Variants in ICAM2 observed in about 807,000 individuals in gnomAD.
ICAM2 encodes the protein intercellular adhesion molecule 2, also known as ICAM-2.
In ICAM2, 14 loss-of-function variants were observed where a neutral mutation model predicts 19.1. That is an observed-to-expected ratio of 0.73 (90% CI 0.48 to 1.15). The LOEUF is 1.15. Among genes scored for constraint, ICAM2 ranks in the 50% most tolerant of loss-of-function variants. The pLI is 0.00. For synonymous variants in ICAM2, 153 were observed against 152.7 expected, an observed-to-expected ratio of 1.00 and a Z score of -0.01; for missense variants, 311 against 355.4, an observed-to-expected ratio of 0.88 and a Z score of 1.00.
intron 1 of ICAM2, among the ~76,000 whole-genome samples, chr17:64,019,024 T>G (rs1195894246): frequency 6.6e-6 from 1 of 152,126 alleles, no homozygotes; most frequent in African/African-American, 2.4e-5. Flanking sequence ...CCGGCCTTAC[T>G]TCTCACTATC....
At chr17:64,015,983 C>T (rs1911705633) in intron 1 of ICAM2, among the ~76,000 whole-genome samples, 1 of 152,104 alleles carries the variant, frequency 6.6e-6, no homozygotes, top group Non-Finnish European at 1.5e-5. Context: ...TATAGGCATA[C>T]AGCACTGTGC....
chr17:64,011,110 A>G (rs1911433548), intron 1 of ICAM2, among the ~76,000 whole-genome samples: 1 of 152,212 alleles, frequency 6.6e-6, no homozygotes, highest in Non-Finnish European at 1.5e-5. Flanking sequence ...AATAAAGAGA[A>G]AGATGAAAAA....
At chr17:64,004,224 A>T in intron 3 of ICAM2, 1 of 486,374 alleles carries the variant, frequency 2.1e-6, no homozygotes, top group Non-Finnish European at 3.7e-6. Flanking sequence ...AACTGGAAAG[A>T]TATAAAAGTT....
At chr17:64,019,362 C>G (rs1306785926) in intron 1 of ICAM2, among the ~76,000 whole-genome samples, 1 of 151,542 alleles carries the variant, frequency 6.6e-6, no homozygotes, top group Non-Finnish European at 1.5e-5. Flanking sequence ...AGCCACTGCA[C>G]TCCAGCCTGG....
chr17:64,002,841 C>T lies in ICAM2; in HGVS notation c.734G>A (p.Cys245Tyr). Residue 245 changes from cysteine to tyrosine, a missense_variant, in exon 5 of 5, where the codon TGC becomes TAC. Coordinates refer to ENST00000579788, the MANE Select transcript of ICAM2 (RefSeq NM_001099789.2). ...GCGCAAGTGCTGGCCGAAGATGAAG[C>T]AGAGCAGGACAGATGTCACGAACAG... Reference protein sequence around the residue: ...LSLFVTSVLLCFIFGQHLRQQ... With the variant: ...LSLFVTSVLLYFIFGQHLRQQ... 6.2e-7 allele frequency: 1 copy of T among 1,613,990 alleles called. No homozygotes were observed. The highest frequency in any genetic ancestry group is 8.5e-7 in the Non-Finnish European group (1 of 1,179,988).
At chr17:64,013,146 T>G (rs911385389) in intron 1 of ICAM2, among the ~76,000 whole-genome samples, 1 of 152,108 alleles carries the variant, frequency 6.6e-6, no homozygotes, top group African/African-American at 2.4e-5. Context: ...AACCACTCTC[T>G]ACTAAAAATA....
intron 2 of ICAM2, 135 bp downstream of exon 2, chr17:64,006,496 T>A: frequency 1.4e-6 from 1 of 720,892 alleles, no homozygotes; most frequent in Non-Finnish European, 2.4e-6. Flanking sequence ...GACCCTGTCT[T>A]AAAACAAAAC....
In ICAM2 at chr17:64,006,660, A is replaced by G. The variant is rs1384748178; in HGVS notation, c.32T>C (p.Val11Ala). MSSFGYRTLTVALFTLICCPG... is the reference protein window; with the variant it reads MSSFGYRTLTAALFTLICCPG... ...ACAGCAGATCAGGGTGAAGAGGGCC[A>G]CAGTCAGGGTCCTGTAACCGAAAGA... Residue 11 changes from valine (V) to alanine (A), a missense_variant, in exon 2 of 5, where the codon GTG becomes GCG. Val to Ala is a moderately conservative substitution (Grantham distance 64). Transcript: ENST00000579788. The G allele has an allele frequency of 6.2e-7, 1 of 1,614,202 alleles. No individual in the cohort carries two copies. Among genetic ancestry groups the G allele is most frequent in the Admixed American group, 1.7e-5 (1 of 60,024 alleles).
chr17:64,006,743 G>T lies in ICAM2; in HGVS notation c.-44-8C>A, dbSNP rs767401983. 2.6e-6 allele frequency: 4 copies of T among 1,548,712 alleles called. No homozygotes were observed. In the East Asian group the frequency reaches 9.0e-5, roughly 35 times the overall value. ...GGACCAGCCAAGGGCTGCCTGGAGG[G>T]AGATGGTGGGCGCAGGTCTGAGCTA... On this transcript the variant is annotated splice_region_variant and splice_polypyrimidine_tract_variant and intron_variant, in intron 1 of 4. Transcript: ENST00000579788.
At chr17:64,009,868 A>G (rs1370820275) in intron 1 of ICAM2, among the ~76,000 whole-genome samples, 1 of 152,202 alleles carries the variant, frequency 6.6e-6, no homozygotes, top group Admixed American at 6.5e-5. Context: ...TACCAGTGAA[A>G]GTACTCATGC....
chr17:64,020,416 C>T (rs1185742730), intron 1 of ICAM2, 107 bp downstream of exon 1: 1 of 152,370 alleles, frequency 6.6e-6, no homozygotes, highest in Non-Finnish European at 1.5e-5. Context: ...CAGCGAGAAA[C>T]TGAGACCCAG....
chr17:64,006,943 T>A (rs570875066), intron 1 of ICAM2: 4 of 547,700 alleles, frequency 7.3e-6, no homozygotes, highest in African/African-American at 5.7e-5. Context: ...TCCTCCCTGC[T>A]GACTCCCTGT....
intron 1 of ICAM2, 51 bp from the exon 2 acceptor site, chr17:64,006,786 C>T: frequency 2.7e-6 from 3 of 1,114,120 alleles, no homozygotes; most frequent in Non-Finnish European, 4.0e-6. Flanking sequence ...GAATCCCTAG[C>T]CTTCTGCAAA....
rs774601968 is a variant in ICAM2 at position 64,005,305 on chromosome 17, G to A, written c.130C>T (p.Leu44Phe). 7 of 1,614,110 alleles carry A rather than the reference G, an allele frequency of 4.3e-6. No individual in the cohort carries two copies. Among genetic ancestry groups the A allele is most frequent in the Non-Finnish European group, 5.9e-6 (7 of 1,179,994 alleles). Residue 44 changes from leucine to phenylalanine, a missense_variant, in exon 3 of 5, where the codon CTC becomes TTC. Transcript: ENST00000579788. Reference protein sequence around the residue: ...KKLAVEPKGSLEVNCSTTCNQ... With the variant: ...KKLAVEPKGSFEVNCSTTCNQ... The stretch of plus-strand genomic sequence containing the variant: ...CAGGTGGTGCTGCAGTTGACCTCGA[G>A]GGACCCTTTGGGCTCAACCGCCAGC...
At chr17:64,013,863 C>A (rs998406926) in intron 1 of ICAM2, among the ~76,000 whole-genome samples, 1 of 151,534 alleles carries the variant, frequency 6.6e-6, no homozygotes, top group South Asian at 2.1e-4. Flanking sequence ...GTAAAACCAC[C>A]ATCACAACAG....
chr17:64,020,201 C>A (rs764501808), intron 1 of ICAM2, among the ~76,000 whole-genome samples: 1 of 151,884 alleles, frequency 6.6e-6, no homozygotes, highest in Non-Finnish European at 1.5e-5. Flanking sequence ...CCCACGTGGG[C>A]CCCTAAATAA....
chr17:64,014,495 G>A (rs1031175484), intron 1 of ICAM2, among the ~76,000 whole-genome samples: 2 of 145,184 alleles, frequency 1.4e-5, no homozygotes, highest in African/African-American at 5.2e-5. Flanking sequence ...AAGAAAGAAA[G>A]GAAGGAAGGA....
At chr17:64,018,741 A>C (rs1911821475) in intron 1 of ICAM2, among the ~76,000 whole-genome samples, 1 of 37,576 alleles carries the variant, frequency 2.7e-5, no homozygotes, top group Admixed American at 3.7e-4. Context: ...TTTTTTTTTG[A>C]GACGGGGTCT....
intron 1 of ICAM2, among the ~76,000 whole-genome samples, chr17:64,017,006 A>G (rs1911742041): frequency 6.6e-6 from 1 of 152,276 alleles, no homozygotes; most frequent in South Asian, 2.1e-4. Context: ...AAACTTACAT[A>G]AAACTTCTAT....
Sources: allele counts gnomAD v4.1 joint callset (sites outside exome capture counted in the v4.1 genomes callset), GRCh38; gene constraint gnomAD v4.1.1; transcripts MANE v1.5; gene names NCBI Gene and HGNC (gene_info 2026-07-23, HGNC 2026-07-21).